PDE1A: variants seen among roughly 807,000 people sequenced by gnomAD.
PDE1A encodes the protein phosphodiesterase 1A, also known as dual specificity calcium/calmodulin-dependent 3',5'-cyclic nucleotide phosphodiesterase 1A.
A neutral mutation model predicts 61.7 loss-of-function variants in PDE1A; 35 were observed. The ratio of observed to expected loss-of-function variants is 0.57; its 90% CI spans 0.43 to 0.75. The LOEUF is 0.75. Among genes scored for constraint, PDE1A ranks in the 30% least tolerant of loss-of-function variants. The pLI, the probability that PDE1A is intolerant of heterozygous loss-of-function variation, is 0.00. For missense variants in PDE1A, 597 were observed against 630.6 expected (o/e 0.95, Z 0.57); for synonymous variants, 232 against 213.2 (o/e 1.09, Z -0.77).
At chr2:182,243,315 G>A (rs922685423) in intron 2 of PDE1A, among the ~76,000 whole-genome samples, 2 of 152,094 alleles carry the variant, frequency 1.3e-5, no homozygotes, top group African/African-American at 4.8e-5. Context: ...AATTATGAGA[G>A]GAAACACTAT....
the PDE1A span, among the ~76,000 whole-genome samples, chr2:182,582,313 A>C: frequency 6.6e-6 from 1 of 152,202 alleles, no homozygotes; most frequent in Non-Finnish European, 1.5e-5. Flanking sequence ...TGATCAATGT[A>C]ATTTAGCAAA....
chr2:182,163,652 C>A (rs1691502732), downstream of PDE1A, among the ~76,000 whole-genome samples: 5 of 152,100 alleles, frequency 3.3e-5, no homozygotes, highest in Non-Finnish European at 7.4e-5. Context: ...GCATCTGGCC[C>A]CTCCTATAAC....
At chr2:182,414,425 T>C (rs1177690554) in intron 1 of PDE1A, among the ~76,000 whole-genome samples, 1 of 152,146 alleles carries the variant, frequency 6.6e-6, no homozygotes, top group Non-Finnish European at 1.5e-5. Flanking sequence ...CTAAGGCCAC[T>C]ATCTGCTCAG....
chr2:182,465,413 A>AT (rs72396359), intron 2 of PDE1A, among the ~76,000 whole-genome samples: 2,009 of 151,122 alleles, frequency 0.013, 15 homozygotes, highest in Middle Eastern at 0.028. Flanking sequence ...AAAAATTTTA[A>AT]TTTTTTTTTT....
the PDE1A span, among the ~76,000 whole-genome samples, chr2:182,617,190 C>T: frequency 2.6e-4 from 39 of 152,198 alleles, no homozygotes; most frequent in African/African-American, 8.9e-4. Flanking sequence ...ATGATATCAA[C>T]TTGACCTCTG....
downstream of PDE1A, among the ~76,000 whole-genome samples, chr2:182,146,326 A>G (rs1300038026): frequency 2.0e-5 from 3 of 152,204 alleles, no homozygotes; most frequent in East Asian, 5.8e-4. Flanking sequence ...GGAACATGAT[A>G]TTTGCTTTAT....
chr2:182,560,908 G>C, the PDE1A span, among the ~76,000 whole-genome samples: 37 of 151,926 alleles, frequency 2.4e-4, no homozygotes, highest in African/African-American at 8.7e-4. Flanking sequence ...TGATGGGGTT[G>C]TTTTTTCTTG....
At chr2:182,393,775 G>A (rs546194621) in intron 1 of PDE1A, among the ~76,000 whole-genome samples, 2 of 152,240 alleles carry the variant, frequency 1.3e-5, no homozygotes, top group East Asian at 3.9e-4. Context: ...TCCAGGGCAG[G>A]GGCAAAATGC....
chr2:182,517,126 T>A (rs1410666399), intron 2 of PDE1A, among the ~76,000 whole-genome samples: 1 of 152,218 alleles, frequency 6.6e-6, no homozygotes, highest in Non-Finnish European at 1.5e-5. Context: ...GAGACTGTCA[T>A]CTTTTCTGTA....
chr2:182,465,972 T>C (rs1402254615), intron 2 of PDE1A, among the ~76,000 whole-genome samples: 2 of 152,122 alleles, frequency 1.3e-5, no homozygotes, highest in Non-Finnish European at 2.9e-5. Flanking sequence ...CATAAATATT[T>C]ACTATACCAA....
intron 1 of PDE1A, among the ~76,000 whole-genome samples, chr2:182,356,505 T>G (rs974321387): frequency 6.6e-6 from 1 of 152,180 alleles, no homozygotes; most frequent in Non-Finnish European, 1.5e-5. Context: ...TTCTCAGCAC[T>G]TTGGGAGCCC....
upstream of PDE1A, among the ~76,000 whole-genome samples, chr2:182,430,652 G>A (rs1220842893): frequency 2.6e-5 from 3 of 114,488 alleles, 1 homozygote; most frequent in South Asian, 7.1e-4. Context: ...AAAGACACAT[G>A]CACACGTATG....
the PDE1A span, among the ~76,000 whole-genome samples, chr2:182,649,078 C>A: frequency 1.6e-4 from 24 of 152,244 alleles, no homozygotes; most frequent in African/African-American, 5.3e-4. Flanking sequence ...AGGTAGCAGG[C>A]CCCTCTGGTG....
At chr2:182,293,291 C>T (rs1049450898) in intron 1 of PDE1A, among the ~76,000 whole-genome samples, 1 of 151,928 alleles carries the variant, frequency 6.6e-6, no homozygotes. Flanking sequence ...ACGCAACAAC[C>T]CTTGTATCAT....
chr2:182,569,482 G>A, the PDE1A span, among the ~76,000 whole-genome samples: 7 of 151,948 alleles, frequency 4.6e-5, no homozygotes, highest in African/African-American at 9.7e-5. Flanking sequence ...GGTCTAAGAC[G>A]CTCATTGAGC....
intron 2 of PDE1A, among the ~76,000 whole-genome samples, chr2:182,445,026 T>C (rs938139419): frequency 3.9e-5 from 6 of 152,094 alleles, no homozygotes; most frequent in Non-Finnish European, 8.8e-5. Flanking sequence ...TTTTAGACCA[T>C]GTTGAGCCAT....
At chr2:182,634,267 G>A in the PDE1A span, among the ~76,000 whole-genome samples, 11 of 151,854 alleles carry the variant, frequency 7.2e-5, no homozygotes, top group East Asian at 7.7e-4. Context: ...TTTTTTTCAC[G>A]TAGAGCCAAA....
intron 1 of PDE1A, among the ~76,000 whole-genome samples, chr2:182,388,023 A>T (rs1373201432): frequency 2.0e-5 from 3 of 152,208 alleles, no homozygotes; most frequent in African/African-American, 7.2e-5. Flanking sequence ...AAAAAAGAGC[A>T]GGAGTAACTA....
the PDE1A span, among the ~76,000 whole-genome samples, chr2:182,680,499 A>G: frequency 6.6e-6 from 1 of 152,324 alleles, no homozygotes; most frequent in South Asian, 2.1e-4. Flanking sequence ...AAAGCATAGC[A>G]TAGTTTTATA....
Sources: allele counts gnomAD v4.1 joint callset (sites outside exome capture counted in the v4.1 genomes callset), GRCh38; gene constraint gnomAD v4.1.1; transcripts MANE v1.5; gene names NCBI Gene and HGNC (gene_info 2026-07-23, HGNC 2026-07-21).